EP400: variants seen among roughly 807,000 people sequenced by gnomAD.
EP400 encodes the protein E1A binding protein p400, also known as E1A-binding protein p400.
EP400 carries 105 observed loss-of-function variants against 354.1 expected under a neutral mutation model. That is an observed-to-expected ratio of 0.30 (90% CI 0.25 to 0.35). The LOEUF (loss-of-function observed/expected upper bound fraction) is 0.35. Ranked by LOEUF, EP400 falls within the 10% of genes least tolerant of loss-of-function variation. EP400 has a pLI of 1.00. For synonymous variants in EP400, 1,646 were observed against 1,716.9 expected, an observed-to-expected ratio of 0.96 and a Z score of 1.02; for missense variants, 3,280 against 4,121.0, an observed-to-expected ratio of 0.80 and a Z score of 5.59.
At chr12:132,007,080 G>A (rs150203750) in intron 15 of EP400, among the ~76,000 whole-genome samples, 1 of 152,304 alleles carries the variant, frequency 6.6e-6, no homozygotes, top group East Asian at 1.9e-4. Context: ...GTAACAATTA[G>A]TGAAAATCTA....
In EP400 at chr12:131,991,438, A is replaced by G. The variant is rs1893030813; in HGVS notation, c.2661A>G (p.Ala887=). Residue 887 remains alanine, a synonymous_variant, in exon 10 of 53, where the codon GCA becomes GCG. Transcript: ENST00000389561. ...GKELRPKGFD[A]LQESSLDSGM... ...AATTGAGACCTAAAGGATTTGACGC[A>G]TTACAGGAAAGTTCTCTGGTAAGTT... 5 of 1,614,118 alleles carry G rather than the reference A, an allele frequency of 3.1e-6. No homozygotes were observed. Among genetic ancestry groups the G allele is most frequent in the Non-Finnish European group, 4.2e-6 (5 of 1,179,992 alleles).
chr12:132,012,984 C>G, intron 16 of EP400, 25 bp from the exon 17 acceptor site: 1 of 1,566,496 alleles, frequency 6.4e-7, no homozygotes. Context: ...TGTGAAGGCA[C>G]TGAGCTGTCC....
chr12:132,036,513 C>T (rs1002536160), intron 30 of EP400, among the ~76,000 whole-genome samples: 2 of 152,200 alleles, frequency 1.3e-5, no homozygotes, highest in Non-Finnish European at 2.9e-5. Flanking sequence ...GCTGCTGGGG[C>T]GGGGGGCAGG....
At position 132,043,433 on chromosome 12, in the gene EP400, T is replaced by C; in HGVS notation, c.6337T>C (p.Leu2113=). 1 of 1,613,300 alleles carries C rather than the reference T, an allele frequency of 6.2e-7. No homozygotes were observed. ...NMPCDEEPSQ[L]EELADFMEQL... is the part of the protein sequence containing the mutation. ...GCCGTGTGATGAAGAACCATCCCAA[T>C]TAGAGGAGCTAGCTGACTTCATGGA... The change falls in exon 33 of 53, where the codon TTA becomes CTA. Residue 2113 remains leucine, a synonymous_variant. Coordinates refer to ENST00000389561, the MANE Select transcript of EP400 (RefSeq NM_015409.5).
chr12:132,058,079 T>C (rs779298325), intron 45 of EP400, among the ~76,000 whole-genome samples: 1 of 151,754 alleles, frequency 6.6e-6, no homozygotes, highest in South Asian at 2.1e-4. Context: ...GAGAAAGTGA[T>C]GTTGGGCTTC....
At chr12:131,980,704 C>A (rs1408028164) in intron 3 of EP400, among the ~76,000 whole-genome samples, 2 of 152,166 alleles carry the variant, frequency 1.3e-5, no homozygotes, top group East Asian at 3.8e-4. Flanking sequence ...TGCCACCACT[C>A]CCAGCTAAAT....
intron 51 of EP400, chr12:132,076,088 G>A (rs1367299184): frequency 1.3e-5 from 3 of 222,680 alleles, no homozygotes; most frequent in African/African-American, 6.8e-5. Flanking sequence ...TGCGTCACCG[G>A]GTTCCCCACT....
intron 51 of EP400, among the ~76,000 whole-genome samples, chr12:132,072,220 G>A (rs923512742): frequency 1.4e-4 from 22 of 152,182 alleles, no homozygotes; most frequent in African/African-American, 5.3e-4. Context: ...CTCAGCCTCC[G>A]GAGGGCCCGG....
chr12:132,013,986 C>T lies in EP400; in HGVS notation c.3923+73C>T, dbSNP rs1049108361. On this transcript the variant is annotated intron_variant, in intron 19 of 52. Coordinates refer to ENST00000389561, the MANE Select transcript of EP400 (RefSeq NM_015409.5). The surrounding 1 kb of genome is among the most constrained non-coding windows in gnomAD (Gnocchi z 4.5). ...GAGGGAAAACGGCCCTTTCTGTGGC[C>T]TCAGCAGAAAGCTCCTTTCCGCAAG... 1.9e-6 allele frequency: 3 copies of T among 1,572,286 alleles called. No homozygotes were observed. The highest frequency in any genetic ancestry group is 1.4e-5 in the African/African-American group (1 of 73,296).
Position 132,045,402 on chromosome 12 carries a change from C to G in EP400, c.6868C>G (p.Leu2290Val). Reference sequence around the variant, plus strand: ...GTTTGACCGCGCAACACCAGGACTTCTGAAAATTCGCAGAGAGGGCAAGGA... The same window carrying G: ...GTTTGACCGCGCAACACCAGGACTTGTGAAAATTCGCAGAGAGGGCAAGGA... The part of the protein sequence containing the change: ...SLFDRATPGL[L>V]KIRREGKEQK... The change falls in exon 38 of 53, where the codon CTG becomes GTG. Residue 2290 changes from leucine to valine, a missense_variant. Around this residue, in one of 20 missense-constraint regions of EP400, gnomAD observed 231 missense variants for 257.9 expected, o/e 0.90. Coordinates refer to ENST00000389561, the MANE Select transcript of EP400 (RefSeq NM_015409.5). 1.2e-6 allele frequency: 2 copies of G among 1,614,254 alleles called. No individual in the cohort carries two copies. The highest frequency in any genetic ancestry group is 2.7e-5 in the African/African-American group (2 of 75,064).
chr12:132,023,288 A>G lies in EP400; in HGVS notation c.4691-489A>G, dbSNP rs1424647572. Among the ~76,000 whole-genome samples, 3 of 131,646 alleles carry G rather than the reference A, an allele frequency of 2.3e-5. No individual in the cohort carries two copies. The Admixed American group carries it at 2.4e-4, about 11-fold the overall frequency. 86.4% of individuals were successfully genotyped at this position (131,646 alleles called of 152,430 possible). On this transcript the variant is annotated intron_variant, in intron 23 of 52. Coordinates refer to ENST00000389561, the MANE Select transcript of EP400 (RefSeq NM_015409.5). ...GCTCGGATTACAGGCGCCCACCACC[A>G]TGCCCAGCTAATTTTTTTTTTTTTT...
intron 2 of EP400, among the ~76,000 whole-genome samples, chr12:131,975,286 G>A (rs1406939587): frequency 1.3e-5 from 2 of 152,178 alleles, no homozygotes; most frequent in Non-Finnish European, 2.9e-5. Flanking sequence ...TTATCCGTGT[G>A]TTCATGTAGA....
chr12:132,014,977 G>A (rs1893880851), intron 19 of EP400, among the ~76,000 whole-genome samples: 1 of 152,116 alleles, frequency 6.6e-6, no homozygotes, highest in East Asian at 1.9e-4. Context: ...CTCCTTCTCT[G>A]TGCCTCATCC....
chr12:132,004,447 A>G (rs1215676273), intron 12 of EP400, among the ~76,000 whole-genome samples: 2 of 152,060 alleles, frequency 1.3e-5, no homozygotes, highest in African/African-American at 4.8e-5. Context: ...AAGCTTAATT[A>G]TGTTTTATTA....
At position 132,069,479 on chromosome 12, in the gene EP400, C is replaced by T. The variant is rs1565936284; in HGVS notation, c.8875-16C>T. On this transcript the variant is annotated splice_polypyrimidine_tract_variant and intron_variant, in intron 50 of 52. Coordinates refer to ENST00000389561, the MANE Select transcript of EP400 (RefSeq NM_015409.5). ...GGCATGGTCTCTGCGGCCCTAATTT[C>T]GCAGTCTCTCCCCAGATCACCGCAC... is the stretch of plus-strand genomic sequence containing the variant. 5.6e-6 allele frequency: 9 copies of T among 1,612,036 alleles called. No homozygotes were observed. The East Asian group carries it at 6.7e-5, about 12-fold the overall frequency.
In EP400 at chr12:131,954,726, G is replaced by GAA. The variant is rs35935376; in HGVS notation, c.-36+4711_-36+4712dup. Among the ~76,000 whole-genome samples, 527 of 83,586 alleles carry GAA rather than the reference G, an allele frequency of 6.3e-3. 17 individuals are homozygous for GAA. Among genetic ancestry groups the GAA allele is most frequent in the East Asian group, 0.017 (51 of 2,940 alleles). 54.8% of individuals were successfully genotyped at this position (83,586 alleles called of 152,430 possible). A position where few individuals can be genotyped will look rare whatever the true frequency, so the allele number is the denominator to read the frequency against. ...GGTGATAGAGTGAGACTCCATCTCA[G>GAA]AAAAAAAAAAAAAAAAAAAAAATGG... is the stretch of plus-strand genomic sequence containing the variant. On this transcript the variant is annotated intron_variant, in intron 1 of 52. Transcript: ENST00000389561.
In EP400 at chr12:132,027,485, C is replaced by T. The variant is rs377554238; in HGVS notation, c.5063C>T (p.Pro1688Leu). The change falls in exon 26 of 53, where the codon CCC becomes CTC. Residue 1688 changes from proline (P) to leucine (L), a missense_variant. Pro to Leu is a moderately conservative substitution (Grantham distance 98). Transcript: ENST00000389561. This position sits in a 1 kb window ranked among gnomAD's most constrained non-coding sequence, Gnocchi z 4.9. ...GTGAATGCCTTGGCTGTAGGAGAAC[C>T]CGGAACGGCCTCCAAACCAGCTTCT... ...VAVNALAVGE[P>L]GTASKPASPI... 1.9e-6 allele frequency: 3 copies of T among 1,613,910 alleles called. No individual in the cohort carries two copies. The highest frequency in any genetic ancestry group is 2.5e-6 in the Non-Finnish European group (3 of 1,179,960).
rs936649863 is a variant in EP400 at position 132,079,622 on chromosome 12, T to C, written c.*1949T>C. The C allele has an allele frequency of 2.6e-5, 4 of 152,368 alleles. No homozygotes were observed. Among genetic ancestry groups the C allele is most frequent in the Admixed American group, 2.0e-4 (3 of 15,304 alleles). 9.4% of individuals were successfully genotyped at this position (152,368 alleles called of 1,614,324 possible). ...TTTTAGAATATCCTAGACATAACTG[T>C]CTAAGTAAAAGCGCTCTATTAATCT... On this transcript the variant is annotated 3_prime_UTR_variant, in exon 53 of 53. Coordinates refer to ENST00000389561, the MANE Select transcript of EP400 (RefSeq NM_015409.5).
At chr12:132,011,357 C>A in intron 15 of EP400, 141 bp from the exon 16 acceptor site, 1 of 1,014,138 alleles carries the variant, frequency 9.9e-7, no homozygotes, top group Non-Finnish European at 1.4e-6. Flanking sequence ...TGCACTTGTT[C>A]CCCCCCAAGT....
Sources: gnomAD v4.1 joint callset for allele counts (sites outside exome capture counted in the v4.1 genomes callset) on GRCh38, gnomAD v4.1.1 for gene constraint, gnomAD v4.1.1 regional missense constraint, Gnocchi (gnomAD v3.1) non-coding constraint, MANE v1.5 for transcripts, NCBI Gene and HGNC (gene_info 2026-07-23, HGNC 2026-07-21) for gene names.